The following EVI5L variants were observed in gnomAD, a reference collection of about 807,000 sequenced individuals.
EVI5L encodes the protein EVI5-like protein.
Under a neutral mutation model 106.1 loss-of-function variants are expected in EVI5L, and 30 were observed. The observed-to-expected ratio is 0.28, with a 90% CI of 0.21 to 0.38. The LOEUF (loss-of-function observed/expected upper bound fraction) is 0.38, where lower values mean the gene tolerates loss of function less well. Ranked by LOEUF, EVI5L falls within the 10% of genes least tolerant of loss-of-function variation. EVI5L has a pLI of 1.00. For synonymous variants in EVI5L, 489 were observed against 483.3 expected (o/e 1.01, Z -0.15); for missense variants, 809 against 1,098.0 (o/e 0.74, Z 3.72).
intron 1 of EVI5L, among the ~76,000 whole-genome samples, chr19:7,842,750 T>C (rs1978692435): frequency 7.5e-6 from 1 of 132,988 alleles, no homozygotes; most frequent in Non-Finnish European, 1.6e-5. Context: ...TGTGTGAAGG[T>C]ACTGGGTGTG....
chr19:7,855,932 GA>G (rs745521909), intron 10 of EVI5L, 82 bp from the exon 11 acceptor site: 2 of 1,239,068 alleles, frequency 1.6e-6, no homozygotes, highest in Non-Finnish European at 1.0e-6. Flanking sequence ...TAAGGGGACT[GA>G]CCCCGGCAGT....
chr19:7,848,895 C>G lies in EVI5L; in HGVS notation c.328-26C>G. The G allele has an allele frequency of 1.9e-6, 3 of 1,596,874 alleles. No homozygotes were observed. The highest frequency in any genetic ancestry group is 2.6e-6 in the Non-Finnish European group (3 of 1,168,514). ...GAGGCTGCGCTGGGACCGAGTCCAG[C>G]CCCCGCTTCCCGCTCCCGTGGCCAG... On this transcript the variant is annotated intron_variant, in intron 3 of 19. Transcript: ENST00000538904. This position sits in a 1 kb window ranked among gnomAD's most constrained non-coding sequence, Gnocchi z 4.8.
chr19:7,857,061 C>T lies in EVI5L; in HGVS notation c.1201-31C>T. On this transcript the variant is annotated intron_variant, in intron 11 of 19. Transcript: ENST00000538904. This position sits in a 1 kb window ranked among gnomAD's most constrained non-coding sequence, Gnocchi z 4.5. ...CGCGCCTTCCGCTCTGCCTCCTCCC[C>T]CTGTCGCTGGGAACCCCCTTCGCCG... 1 of 1,551,882 alleles carries T rather than the reference C, an allele frequency of 6.4e-7. No individual in the cohort carries two copies. Among genetic ancestry groups the T allele is most frequent in the Non-Finnish European group, 8.7e-7 (1 of 1,147,008 alleles).
At chr19:7,836,131 G>A (rs778370971) in intron 1 of EVI5L, among the ~76,000 whole-genome samples, 5 of 152,152 alleles carry the variant, frequency 3.3e-5, no homozygotes, top group Non-Finnish European at 7.3e-5. Context: ...CAGCTACTCG[G>A]GAGGCTGAGG....
In EVI5L at chr19:7,864,319, T is replaced by C. The variant is rs957441820; in HGVS notation, c.*617T>C. ...AGCGGAAACCAAAGTCCCCCTACTA[T>C]GTGCGGGGCGCCTGGGGACTGAGTG... On this transcript the variant is annotated 3_prime_UTR_variant, in exon 20 of 20. Transcript: ENST00000538904. This position sits in a 1 kb window ranked among gnomAD's most constrained non-coding sequence, Gnocchi z 4.5. 1 of 152,414 alleles carries C rather than the reference T, an allele frequency of 6.6e-6. No individual in the cohort carries two copies. The highest frequency in any genetic ancestry group is 1.5e-5 in the Non-Finnish European group (1 of 68,042). The allele number at this position is 152,414 out of a possible 1,614,324, so 9.4% of individuals were successfully genotyped here. A position where few individuals can be genotyped will look rare whatever the true frequency, so the allele number is the denominator to read the frequency against.
chr19:7,840,666 G>A (rs1978560634), intron 1 of EVI5L, among the ~76,000 whole-genome samples: 1 of 146,476 alleles, frequency 6.8e-6, no homozygotes, highest in African/African-American at 2.4e-5. Context: ...TCCACTTTCT[G>A]TCTCTATGGA....
intron 1 of EVI5L, among the ~76,000 whole-genome samples, chr19:7,842,808 C>T (rs377563975): frequency 4.7e-5 from 7 of 147,470 alleles, no homozygotes; most frequent in African/African-American, 1.0e-4. Context: ...ATGTGTATAT[C>T]GAGTGTGCAC....
In EVI5L at chr19:7,863,552, CGCT is replaced by C. The variant is rs1342361708; in HGVS notation, c.2271_2273del (p.Ala758del). On this transcript the variant is annotated inframe_deletion, in exon 20 of 20. Transcript: ENST00000538904. This position sits in a 1 kb window ranked among gnomAD's most constrained non-coding sequence, Gnocchi z 7.7. ...AGGAGCTACTTGGCGTAGGCGTGGG[CGCT>C]GCCCTGCAGGACGCATTGTACCCTC... is the stretch of plus-strand genomic sequence containing the variant. 2 of 1,599,806 alleles carry C rather than the reference CGCT, an allele frequency of 1.3e-6. No homozygotes were observed. The highest frequency in any genetic ancestry group is 1.7e-6 in the Non-Finnish European group (2 of 1,174,308).
chr19:7,841,970 G>A (rs1978620426), intron 1 of EVI5L, among the ~76,000 whole-genome samples: 2 of 152,216 alleles, frequency 1.3e-5, no homozygotes, highest in African/African-American at 4.8e-5. Context: ...TGTTCCCAGG[G>A]GGTGAGCGCT....
At chr19:7,833,820 T>G (rs1978308166) in intron 1 of EVI5L, among the ~76,000 whole-genome samples, 1 of 152,174 alleles carries the variant, frequency 6.6e-6, no homozygotes, top group South Asian at 2.1e-4. Flanking sequence ...AAAGCCGCCC[T>G]TCCCAGGGAA....
chr19:7,838,096 T>G (rs1599560097), intron 1 of EVI5L, among the ~76,000 whole-genome samples: 1 of 122,490 alleles, frequency 8.2e-6, no homozygotes, highest in Non-Finnish European at 1.8e-5. Context: ...TTTTGGTTGG[T>G]TTTTTTTTGT....
In EVI5L at chr19:7,858,624, T is replaced by A; in HGVS notation, c.1374+293T>A. On this transcript the variant is annotated intron_variant, in intron 13 of 19. Transcript: ENST00000538904. The surrounding 1 kb of genome is among the most constrained non-coding windows in gnomAD (Gnocchi z 5.7). ...TGAAGACCGGGCTGTCCCTGCAGGG[T>A]TTCCTCTGTGTCACAGGCAGCAGAC... 2.2e-6 allele frequency: 1 copy of A among 448,872 alleles called. No individual in the cohort carries two copies. Among genetic ancestry groups the A allele is most frequent in the Non-Finnish European group, 4.0e-6 (1 of 250,004 alleles). 27.8% of individuals were successfully genotyped at this position (448,872 alleles called of 1,614,324 possible).
intron 1 of EVI5L, among the ~76,000 whole-genome samples, chr19:7,842,796 G>A (rs545111908): frequency 1.1e-4 from 16 of 151,428 alleles, no homozygotes; most frequent in South Asian, 4.2e-4. Flanking sequence ...ATATGCATAA[G>A]CATGTGTATA....
At position 7,858,090 on chromosome 19, in the gene EVI5L, C is replaced by G. The variant is rs1259136300; in HGVS notation, c.1234-101C>G. The G allele has an allele frequency of 7.1e-7, 1 of 1,411,510 alleles. No homozygotes were observed. Among genetic ancestry groups the G allele is most frequent in the African/African-American group, 1.4e-5 (1 of 69,902 alleles). The allele number at this position is 1,411,510 out of a possible 1,614,324, so 87.4% of individuals were successfully genotyped here. A position where few individuals can be genotyped will look rare whatever the true frequency, so the allele number is the denominator to read the frequency against. On this transcript the variant is annotated intron_variant, in intron 12 of 19. Transcript: ENST00000538904. This position sits in a 1 kb window ranked among gnomAD's most constrained non-coding sequence, Gnocchi z 5.7. ...GGGAGGCCCCCACCTCACTTCCCCCCACCTCCACTCTCTGGGCCTCCCCCT... is the reference window on the plus strand; with the variant it reads ...GGGAGGCCCCCACCTCACTTCCCCCGACCTCCACTCTCTGGGCCTCCCCCT...
At position 7,847,765 on chromosome 19, in the gene EVI5L, C is replaced by T; in HGVS notation, c.171C>T (p.Ser57=). The T allele has an allele frequency of 6.2e-7, 1 of 1,613,644 alleles. No homozygotes were observed. Among genetic ancestry groups the T allele is most frequent in the Non-Finnish European group, 8.5e-7 (1 of 1,179,868 alleles). ...AGGCCGACTCCAAGTCCATGCGCTC[C>T]ATGAATGGCTCGCGGCGGAACAGTG... ...LLEADSKSMR[S]MNGSRRNSGS... is the part of the protein sequence containing the mutation. Residue 57 remains serine (S), a synonymous_variant, in exon 3 of 20, where the codon TCC becomes TCT. Transcript: ENST00000538904.
Position 7,848,256 on chromosome 19 carries a change from C to T in EVI5L, c.327+335C>T, listed in dbSNP as rs1223027921. ...TCGCTTGAGGCCAGGAGTTCGAGGCCAGCCTGGGCAACGTAATGAGACTCC... is the reference window on the plus strand; with the variant it reads ...TCGCTTGAGGCCAGGAGTTCGAGGCTAGCCTGGGCAACGTAATGAGACTCC... On this transcript the variant is annotated intron_variant, in intron 3 of 19. Coordinates refer to ENST00000538904, the MANE Select transcript of EVI5L (RefSeq NM_001159944.3). The surrounding 1 kb of genome is among the most constrained non-coding windows in gnomAD (Gnocchi z 4.8). Among the ~76,000 whole-genome samples the T allele has an allele frequency of 1.3e-5, 2 of 151,274 alleles. No individual in the cohort carries two copies. Among genetic ancestry groups the T allele is most frequent in the African/African-American group, 2.4e-5 (1 of 41,146 alleles).
At chr19:7,846,783 A>G in intron 2 of EVI5L, 104 bp downstream of exon 2, 1 of 1,429,422 alleles carries the variant, frequency 7.0e-7, no homozygotes, top group Non-Finnish European at 9.3e-7. Flanking sequence ...CAGTGTGTGC[A>G]ATGTGACAGC....
chr19:7,847,710 T>C lies in EVI5L; in HGVS notation c.138-22T>C, dbSNP rs140227216. Reference sequence around the variant, plus strand: ...GTCCCCAGGGAGTCACTGGTTCCCCTCTGTCGGCCCTTCCTGCCCAGGCTC... The same window carrying C: ...GTCCCCAGGGAGTCACTGGTTCCCCCCTGTCGGCCCTTCCTGCCCAGGCTC... On this transcript the variant is annotated intron_variant, in intron 2 of 19. Transcript: ENST00000538904. The C allele has an allele frequency of 7.0e-4, 1,122 of 1,603,742 alleles. 11 individuals carry two copies. In the East Asian group the frequency reaches 0.022, roughly 32 times the overall value.
intron 1 of EVI5L, among the ~76,000 whole-genome samples, chr19:7,843,423 G>A (rs967630739): frequency 1.5e-5 from 1 of 67,566 alleles, no homozygotes; most frequent in Non-Finnish European, 3.4e-5. Context: ...ATAGGCATGG[G>A]TGTGTCGAGA....
Sources: gnomAD v4.1 joint callset for allele counts (sites outside exome capture counted in the v4.1 genomes callset) on GRCh38, gnomAD v4.1.1 for gene constraint, Gnocchi (gnomAD v3.1) non-coding constraint, MANE v1.5 for transcripts, NCBI Gene and HGNC (gene_info 2026-07-23, HGNC 2026-07-21) for gene names.